EFL1: variants seen among roughly 807,000 people sequenced by gnomAD.
EFL1 encodes elongation factor-like GTPase 1.
Under a neutral mutation model 126.7 loss-of-function variants are expected in EFL1, and 76 were observed. The ratio of observed to expected loss-of-function variants is 0.60; its 90% CI spans 0.50 to 0.73. The LOEUF (loss-of-function observed/expected upper bound fraction) is 0.73. Ranked by LOEUF, EFL1 falls within the 30% of genes least tolerant of loss-of-function variation. EFL1 has a pLI of 0.00. For synonymous variants in EFL1, 410 were observed against 448.4 expected (o/e 0.91, Z 1.08); for missense variants, 1,128 against 1,343.2 (o/e 0.84, Z 2.50).
Position 82,259,101 on chromosome 15 carries a change from C to G in EFL1, c.146G>C (p.Arg49Pro). Residue 49 changes from arginine to proline, a missense_variant, in exon 3 of 20, where the codon CGC becomes CCC. Physicochemically the swap from Arg to Pro is moderately radical, Grantham distance 103 (BLOSUM62 -2). Transcript: ENST00000268206. ...ATAATAACATACCTTGCCTGCTAGG[C>G]GGCTGGAGATGATTCCATTGCTAGA... ...LISSNGIISS[R>P]LAGKLRYMDS... is the part of the protein sequence containing the mutation. 1 of 1,613,820 alleles carries G rather than the reference C, an allele frequency of 6.2e-7. No homozygotes were observed. The highest frequency in any genetic ancestry group is 8.5e-7 in the Non-Finnish European group (1 of 1,179,894).
At chr15:82,145,436 T>G (rs532579542) in intron 18 of EFL1, among the ~76,000 whole-genome samples, 37 of 152,084 alleles carry the variant, frequency 2.4e-4, no homozygotes, top group Non-Finnish European at 3.5e-4. Context: ...TCTCATATAC[T>G]CCATAAATAT....
chr15:82,136,356 C>A (rs2073722280), intron 19 of EFL1, among the ~76,000 whole-genome samples: 1 of 152,142 alleles, frequency 6.6e-6, no homozygotes, highest in South Asian at 2.1e-4. Context: ...TAATCAAGGC[C>A]ATCTTCATGA....
chr15:82,204,639 T>C (rs538649147), intron 15 of EFL1, among the ~76,000 whole-genome samples: 1 of 152,378 alleles, frequency 6.6e-6, no homozygotes, highest in African/African-American at 2.4e-5. Context: ...CATTCTGTCA[T>C]GTGCCAAAAA....
At chr15:82,160,745 T>C (rs1671097716) in intron 16 of EFL1, among the ~76,000 whole-genome samples, 1 of 152,188 alleles carries the variant, frequency 6.6e-6, no homozygotes, top group Non-Finnish European at 1.5e-5. Context: ...CAAGTGAAGA[T>C]CCAGCATTGT....
chr15:82,222,287 G>A (rs1391606629), intron 12 of EFL1, among the ~76,000 whole-genome samples: 2 of 152,182 alleles, frequency 1.3e-5, no homozygotes, highest in African/African-American at 2.4e-5. Flanking sequence ...TAAGTAACTC[G>A]ACCCAAAGTC....
chr15:82,224,399 T>C (rs1195216766), intron 12 of EFL1, among the ~76,000 whole-genome samples: 1 of 152,192 alleles, frequency 6.6e-6, no homozygotes, highest in Admixed American at 6.5e-5. Flanking sequence ...ACTAATTATA[T>C]TAAAACTTGT....
At chr15:82,141,917 C>G (rs938180127) in intron 18 of EFL1, among the ~76,000 whole-genome samples, 2 of 152,080 alleles carry the variant, frequency 1.3e-5, no homozygotes, top group Non-Finnish European at 2.9e-5. Context: ...TTGATCCATT[C>G]AATTTTAATT....
At chr15:82,211,018 C>T (rs1450279565) in intron 15 of EFL1, among the ~76,000 whole-genome samples, 2 of 151,754 alleles carry the variant, frequency 1.3e-5, no homozygotes, top group Non-Finnish European at 2.9e-5. Flanking sequence ...GTAACTGGAA[C>T]ACATAGATTA....
At chr15:82,204,656 G>A (rs1365974224) in intron 15 of EFL1, among the ~76,000 whole-genome samples, 1 of 152,174 alleles carries the variant, frequency 6.6e-6, no homozygotes, top group African/African-American at 2.4e-5. Context: ...AAAATACTAA[G>A]AATAGAGGTC....
rs1475426396 is a variant in EFL1 at position 82,220,243 on chromosome 15, C to A, written c.1293-14G>T. 6.4e-7 allele frequency: 1 copy of A among 1,573,456 alleles called. No homozygotes were observed. Among genetic ancestry groups the A allele is most frequent in the Non-Finnish European group, 8.6e-7 (1 of 1,163,162 alleles). Reference sequence around the variant, plus strand: ...TGAGTGAGAGGCCTACAGGATATCACAAATATGCTGTCATCTCTCAGTTCA... The same window carrying A: ...TGAGTGAGAGGCCTACAGGATATCAAAAATATGCTGTCATCTCTCAGTTCA... On this transcript the variant is annotated splice_polypyrimidine_tract_variant and intron_variant, in intron 12 of 19. Transcript: ENST00000268206.
chr15:82,193,175 T>C (rs1295371832), intron 15 of EFL1, among the ~76,000 whole-genome samples: 1 of 152,218 alleles, frequency 6.6e-6, no homozygotes, highest in Non-Finnish European at 1.5e-5. Context: ...TAAAACACCC[T>C]AGGATTTTGC....
chr15:82,241,181 T>C, intron 5 of EFL1, 89 bp downstream of exon 5: 1 of 1,463,430 alleles, frequency 6.8e-7, no homozygotes, highest in Non-Finnish European at 9.4e-7. Flanking sequence ...ACCAATGTTG[T>C]GATTGTCAGT....
In EFL1 at chr15:82,236,491, C is replaced by G. The variant is rs2141322045; in HGVS notation, c.731+1816G>C. On this transcript the variant is annotated intron_variant, in intron 7 of 19. Transcript: ENST00000268206. ...AGACACATAGATTAAAGGAACAGAACAAAACACTCAGAAACAGACCCACAC... is the reference window on the plus strand; with the variant it reads ...AGACACATAGATTAAAGGAACAGAAGAAAACACTCAGAAACAGACCCACAC... Among the ~76,000 whole-genome samples, 3 of 152,268 alleles carry G rather than the reference C, an allele frequency of 2.0e-5. No homozygotes were observed. The South Asian group carries it at 6.2e-4, about 32-fold the overall frequency.
intron 6 of EFL1, 151 bp from the exon 7 acceptor site, chr15:82,238,672 T>C: frequency 1.5e-6 from 1 of 654,992 alleles, no homozygotes; most frequent in Non-Finnish European, 2.6e-6. Context: ...TCATAATCAG[T>C]GAATAACTTA....
chr15:82,199,536 G>A (rs1265400060), intron 15 of EFL1, among the ~76,000 whole-genome samples: 1 of 152,218 alleles, frequency 6.6e-6, no homozygotes, highest in African/African-American at 2.4e-5. Context: ...CTAGTGCTGG[G>A]ATAATTTTAA....
intron 15 of EFL1, among the ~76,000 whole-genome samples, chr15:82,202,956 C>T (rs527575928): frequency 2.6e-5 from 4 of 152,046 alleles, no homozygotes; most frequent in Admixed American, 2.6e-4. Flanking sequence ...GGGTTACAGG[C>T]ATGTTCCACC....
At chr15:82,254,207 G>A (rs35152457) in intron 3 of EFL1, among the ~76,000 whole-genome samples, 39,909 of 152,022 alleles carry the variant, frequency 0.26, 5,664 homozygotes, top group Non-Finnish European at 0.31. Flanking sequence ...TACCCTTTGT[G>A]TGCATGTGTG....
At chr15:82,237,664 T>C (rs1380456096) in intron 7 of EFL1, among the ~76,000 whole-genome samples, 1 of 152,048 alleles carries the variant, frequency 6.6e-6, no homozygotes, top group Non-Finnish European at 1.5e-5. Flanking sequence ...TAGGCATTTA[T>C]TCCAGAGAAA....
intron 15 of EFL1, among the ~76,000 whole-genome samples, chr15:82,169,133 G>C (rs905948981): frequency 6.6e-6 from 1 of 152,074 alleles, no homozygotes; most frequent in African/African-American, 2.4e-5. Flanking sequence ...TCAGTGTGGG[G>C]GTCTAGGATT....
Sources: gnomAD v4.1 joint callset for allele counts (sites outside exome capture counted in the v4.1 genomes callset) on GRCh38, gnomAD v4.1.1 for gene constraint, MANE v1.5 for transcripts, NCBI Gene and HGNC (gene_info 2026-07-23, HGNC 2026-07-21) for gene names.